The following RIMBP2 variants were observed in gnomAD, a reference collection of about 807,000 sequenced individuals.
The protein encoded by RIMBP2 is RIMS-binding protein 2.
RIMBP2 carries 48 observed loss-of-function variants against 118.6 expected under a neutral mutation model. The ratio of observed to expected loss-of-function variants is 0.40; its 90% CI spans 0.32 to 0.51. The LOEUF (loss-of-function observed/expected upper bound fraction) is 0.51, where lower values mean the gene tolerates loss of function less well. RIMBP2 is among the 20% of genes least tolerant of loss of function. The probability of loss-of-function intolerance (pLI) is 0.41; values close to 1 mark genes in which losing one functional copy is unlikely to be tolerated. For missense variants in RIMBP2, 1,551 were observed against 1,768.3 expected (o/e 0.88, Z 2.20); for synonymous variants, 762 against 742.9 (o/e 1.03, Z -0.42).
intron 1 of RIMBP2, among the ~76,000 whole-genome samples, chr12:130,702,280 GC>G (rs1230145384): frequency 6.6e-6 from 1 of 152,096 alleles, no homozygotes; most frequent in East Asian, 1.9e-4. Context: ...ACTTTGGGAG[GC>G]CCAGGTGGGT....
intron 4 of RIMBP2, among the ~76,000 whole-genome samples, chr12:130,503,232 CA>C (rs199605333): frequency 1.3e-3 from 186 of 145,506 alleles, no homozygotes; most frequent in African/African-American, 2.4e-3. Flanking sequence ...ACTAAAAATA[CA>C]AAAAAAAAAA....
At chr12:130,516,517 T>C (rs2051478143) in intron 3 of RIMBP2, among the ~76,000 whole-genome samples, 1 of 152,030 alleles carries the variant, frequency 6.6e-6, no homozygotes, top group Non-Finnish European at 1.5e-5. Flanking sequence ...TGAAAACAGG[T>C]GTTGTCACAT....
At chr12:130,453,197 G>A (rs368496602) in intron 7 of RIMBP2, among the ~76,000 whole-genome samples, 3 of 152,240 alleles carry the variant, frequency 2.0e-5, no homozygotes, top group Non-Finnish European at 4.4e-5. Context: ...GGAGGTTGCC[G>A]GGGACAGTGT....
rs115785940 is a variant in RIMBP2, at chr12:130,661,644, C to T, written c.-351-33188G>A. Among the ~76,000 whole-genome samples, 1,049 of 152,306 alleles carry T rather than the reference C, an allele frequency of 6.9e-3. 14 individuals are homozygous for T. Among genetic ancestry groups the T allele is most frequent in the African/African-American group, 0.024 (978 of 41,570 alleles). On this transcript the variant is annotated intron_variant, in intron 1 of 22. Transcript: ENST00000690449. ...GTGGCATAAAGCTTACGTAACTACA[C>T]GCAATGACCCTATCAGTGCCCAGCC... is the stretch of plus-strand genomic sequence containing the variant.
At chr12:130,476,448 T>C (rs543118621) in intron 5 of RIMBP2, among the ~76,000 whole-genome samples, 77 of 152,300 alleles carry the variant, frequency 5.1e-4, no homozygotes, top group African/African-American at 1.8e-3. Flanking sequence ...CCGTGCCTCA[T>C]GGTGCAGGCA....
intron 4 of RIMBP2, among the ~76,000 whole-genome samples, chr12:130,499,205 A>G (rs1162947011): frequency 6.6e-6 from 1 of 152,188 alleles, no homozygotes; most frequent in African/African-American, 2.4e-5. Context: ...ATCTGCCCCC[A>G]TGATCCAATC....
intron 1 of RIMBP2, among the ~76,000 whole-genome samples, chr12:130,693,302 C>T (rs1341201788): frequency 6.6e-6 from 1 of 152,200 alleles, no homozygotes; most frequent in Non-Finnish European, 1.5e-5. Context: ...GGCCATCTCT[C>T]ACTCCATTCT....
chr12:130,521,778 G>A (rs1271852769), intron 2 of RIMBP2, among the ~76,000 whole-genome samples: 1 of 152,228 alleles, frequency 6.6e-6, no homozygotes, highest in Admixed American at 6.5e-5. Flanking sequence ...ATTGTGAAAA[G>A]AGAAAACCCA....
chr12:130,538,126 C>G (rs1393558523), intron 2 of RIMBP2, among the ~76,000 whole-genome samples: 1 of 152,138 alleles, frequency 6.6e-6, no homozygotes, highest in Non-Finnish European at 1.5e-5. Context: ...AAGATGGCAG[C>G]TCGTGACTGC....
chr12:130,452,451 CTTG>C (rs1432150111), intron 7 of RIMBP2, among the ~76,000 whole-genome samples: 1 of 152,196 alleles, frequency 6.6e-6, no homozygotes, highest in Non-Finnish European at 1.5e-5. Flanking sequence ...AGGGCAGGAC[CTTG>C]TTGTATTCAC....
intron 2 of RIMBP2, among the ~76,000 whole-genome samples, chr12:130,570,357 C>A (rs535911396): frequency 6.6e-6 from 1 of 151,206 alleles, no homozygotes; most frequent in East Asian, 2.0e-4. Flanking sequence ...GCCCAGGAGG[C>A]GGAGGTTGCA....
chr12:130,403,264 A>G (rs1173098542), intron 21 of RIMBP2, among the ~76,000 whole-genome samples: 1 of 152,238 alleles, frequency 6.6e-6, no homozygotes, highest in Non-Finnish European at 1.5e-5. Flanking sequence ...CTCAGTGAAC[A>G]TGACCAGCAA....
intron 2 of RIMBP2, among the ~76,000 whole-genome samples, chr12:130,566,572 C>T (rs1191043945): frequency 1.3e-5 from 2 of 152,168 alleles, no homozygotes; most frequent in African/African-American, 4.8e-5. Flanking sequence ...AGCCTCCAGC[C>T]AATGACCAGC....
Position 130,623,865 on chromosome 12 carries a change from C to T in RIMBP2, c.-217+4457G>A, listed in dbSNP as rs1279549372. On this transcript the variant is annotated intron_variant, in intron 2 of 22. Coordinates refer to ENST00000690449, the MANE Select transcript of RIMBP2 (RefSeq NM_001393629.1). The surrounding 1 kb of genome is among the most constrained non-coding windows in gnomAD (Gnocchi z 4.1). Reference sequence around the variant, plus strand: ...ATAATCCCACGGTGTACACCACAGTCTCCCAGAGGTTCCACAGCAGGATTG... The same window carrying T: ...ATAATCCCACGGTGTACACCACAGTTTCCCAGAGGTTCCACAGCAGGATTG... Among the ~76,000 whole-genome samples the T allele has an allele frequency of 1.3e-5, 2 of 152,232 alleles. No homozygotes were observed. The highest frequency in any genetic ancestry group is 2.4e-5 in the African/African-American group (1 of 41,470).
rs1311590012 is a variant in RIMBP2, at chr12:130,506,736, A to C, written c.-92T>G. On this transcript the variant is annotated 5_prime_UTR_variant, in exon 4 of 23. Transcript: ENST00000690449. ...ATCGCGCTCTCTGGTCACGAGGGTG[A>C]GCGGATGGTTGAGATGCACATACTC... The C allele has an allele frequency of 6.1e-6, 6 of 985,578 alleles. No homozygotes were observed. The highest frequency in any genetic ancestry group is 6.2e-5 in the Admixed American group (1 of 16,240). The allele number at this position is 985,578 out of a possible 1,614,324, so 61.1% of individuals were successfully genotyped here.
rs749847840 is a variant in RIMBP2 at position 130,581,560 on chromosome 12, C to T, written c.-217+46762G>A. Among the ~76,000 whole-genome samples the T allele has an allele frequency of 4.3e-4, 65 of 152,356 alleles. No homozygotes were observed. The highest frequency in any genetic ancestry group is 1.3e-3 in the African/African-American group (54 of 41,584). ...CAGTCTCCCCACCCCACAGCCCTCCCGTGCCAGTAGGTGGCAATTCCAGGC... is the reference window on the plus strand; with the variant it reads ...CAGTCTCCCCACCCCACAGCCCTCCTGTGCCAGTAGGTGGCAATTCCAGGC... On this transcript the variant is annotated intron_variant, in intron 2 of 22. Coordinates refer to ENST00000690449, the MANE Select transcript of RIMBP2 (RefSeq NM_001393629.1). This position sits in a 1 kb window ranked among gnomAD's most constrained non-coding sequence, Gnocchi z 4.4.
rs892686236 is a variant in RIMBP2 at position 130,475,895 on chromosome 12, C to G, written c.102+3017G>C. Among the ~76,000 whole-genome samples, 21 of 152,050 alleles carry G rather than the reference C, an allele frequency of 1.4e-4. No homozygotes were observed. Among genetic ancestry groups the G allele is most frequent in the South Asian group, 8.3e-4 (4 of 4,796 alleles). On this transcript the variant is annotated intron_variant, in intron 5 of 22. Transcript: ENST00000690449. The surrounding 1 kb of genome is among the most constrained non-coding windows in gnomAD (Gnocchi z 4.1). ...TCTGTGTGGGACGTGGCGTCCGAGG[C>G]CCCCCAAGCAGTGGTGTCAAGCAGA...
chr12:130,418,093 C>T lies in RIMBP2; in HGVS notation c.3239-3787G>A, dbSNP rs1050401728. On this transcript the variant is annotated intron_variant, in intron 17 of 22. Coordinates refer to ENST00000690449, the MANE Select transcript of RIMBP2 (RefSeq NM_001393629.1). ...ACAGGTGGTGGAGAAAGAACCAAAC[C>T]GTTTGGCCTCTTTCACCAGAAAAAA... Among the ~76,000 whole-genome samples, 9 of 152,258 alleles carry T rather than the reference C, an allele frequency of 5.9e-5. No homozygotes were observed. In the South Asian group the frequency reaches 8.3e-4, roughly 14 times the overall value.
Position 130,578,836 on chromosome 12 carries a change from T to C in RIMBP2, c.-217+49486A>G, listed in dbSNP as rs2058267097. Among the ~76,000 whole-genome samples the C allele has an allele frequency of 6.6e-6, 1 of 152,220 alleles. No individual in the cohort carries two copies. The highest frequency in any genetic ancestry group is 2.1e-4 in the South Asian group (1 of 4,832). On this transcript the variant is annotated intron_variant, in intron 2 of 22. Coordinates refer to ENST00000690449, the MANE Select transcript of RIMBP2 (RefSeq NM_001393629.1). The surrounding 1 kb of genome is among the most constrained non-coding windows in gnomAD (Gnocchi z 4.1). ...GCAGAGATTCAGAAAGGCTTGGATT[T>C]ATAAGATGTGCACCAAACATAACTA... is the stretch of plus-strand genomic sequence containing the variant.
Sources: gnomAD v4.1 joint callset for allele counts (sites outside exome capture counted in the v4.1 genomes callset) on GRCh38, gnomAD v4.1.1 for gene constraint, Gnocchi (gnomAD v3.1) non-coding constraint, MANE v1.5 for transcripts, NCBI Gene and HGNC (gene_info 2026-07-23, HGNC 2026-07-21) for gene names.